Variants in XRCC4 observed in about 807,000 individuals in gnomAD.
The protein encoded by XRCC4 is DNA repair protein XRCC4.
XRCC4 carries 28 observed loss-of-function variants against 39.1 expected under a neutral mutation model. The observed-to-expected ratio is 0.72, with a 90% CI of 0.53 to 0.98. The LOEUF (loss-of-function observed/expected upper bound fraction) is 0.98. Among genes scored for constraint, XRCC4 ranks in the 50% least tolerant of loss-of-function variants. The pLI is 0.00. For synonymous variants in XRCC4, 123 were observed against 126.4 expected (o/e 0.97, Z 0.18); for missense variants, 350 against 376.4 (o/e 0.93, Z 0.58).
chr5:83,366,854 C>A, the XRCC4 span, among the ~76,000 whole-genome samples: 3 of 152,152 alleles, frequency 2.0e-5, no homozygotes, highest in African/African-American at 7.2e-5. Context: ...CCTTCCCAGA[C>A]CACCCTATGT....
At chr5:83,316,355 T>C (rs1755882513) in intron 7 of XRCC4, among the ~76,000 whole-genome samples, 1 of 152,032 alleles carries the variant, frequency 6.6e-6, no homozygotes, top group Non-Finnish European at 1.5e-5. Flanking sequence ...CATAACAATA[T>C]TAACTTTAAA....
the XRCC4 span, among the ~76,000 whole-genome samples, chr5:83,369,150 T>C: frequency 1.3e-5 from 2 of 152,284 alleles, no homozygotes; most frequent in Admixed American, 6.5e-5. Context: ...CTAGATAGGA[T>C]TGCAAAAGCA....
chr5:83,371,284 T>G, the XRCC4 span, among the ~76,000 whole-genome samples: 13 of 152,198 alleles, frequency 8.5e-5, no homozygotes, highest in Admixed American at 6.5e-4. Context: ...GAGTATTCTT[T>G]TACCATATCT....
intron 7 of XRCC4, among the ~76,000 whole-genome samples, chr5:83,321,161 A>C (rs914740909): frequency 1.1e-4 from 16 of 152,140 alleles, no homozygotes; most frequent in African/African-American, 3.9e-4. Context: ...TCATGTAAAC[A>C]TAACTTTTTC....
At chr5:83,212,962 A>C (rs1424886689) in intron 6 of XRCC4, among the ~76,000 whole-genome samples, 16 of 151,460 alleles carry the variant, frequency 1.1e-4, no homozygotes, top group Non-Finnish European at 1.6e-4. Context: ...AAAAAAAAAA[A>C]CAAAAAGATA....
chr5:83,284,739 A>C (rs547769045), intron 7 of XRCC4, among the ~76,000 whole-genome samples: 1 of 152,254 alleles, frequency 6.6e-6, no homozygotes, highest in Admixed American at 6.5e-5. Context: ...TTTCCAAGGA[A>C]GCATTCACAT....
intron 3 of XRCC4, among the ~76,000 whole-genome samples, chr5:83,128,190 T>C (rs1349923761): frequency 2.0e-5 from 3 of 152,160 alleles, no homozygotes; most frequent in Non-Finnish European, 2.9e-5. Flanking sequence ...GTTCTCATTG[T>C]TCAGTTCCCA....
chr5:83,140,908 C>T (rs1748140177), intron 3 of XRCC4, among the ~76,000 whole-genome samples: 1 of 152,200 alleles, frequency 6.6e-6, no homozygotes, highest in Non-Finnish European at 1.5e-5. Flanking sequence ...CTACTACACT[C>T]TTCTCATTTC....
intron 4 of XRCC4, among the ~76,000 whole-genome samples, chr5:83,198,246 C>A (rs1386341210): frequency 6.6e-6 from 1 of 152,076 alleles, no homozygotes; most frequent in Non-Finnish European, 1.5e-5. Context: ...ATGATCCAAA[C>A]ATTTCTTCTA....
chr5:83,116,806 G>T (rs937663161), intron 3 of XRCC4, among the ~76,000 whole-genome samples: 2 of 151,896 alleles, frequency 1.3e-5, no homozygotes, highest in African/African-American at 4.8e-5. Context: ...ATTTTTAGTA[G>T]AGACGGGGTT....
At chr5:83,166,461 T>C (rs992786643) in intron 3 of XRCC4, among the ~76,000 whole-genome samples, 4 of 43,364 alleles carry the variant, frequency 9.2e-5, no homozygotes, top group African/African-American at 5.9e-4. Flanking sequence ...TTCCTGTTTG[T>C]TTTTTTTTTT....
chr5:83,364,655 G>T, the XRCC4 span, among the ~76,000 whole-genome samples: 14 of 152,168 alleles, frequency 9.2e-5, no homozygotes, highest in African/African-American at 3.4e-4. Context: ...CCCACTTGGG[G>T]TCACCCATCA....
chr5:83,366,381 C>A, the XRCC4 span, among the ~76,000 whole-genome samples: 1 of 152,218 alleles, frequency 6.6e-6, no homozygotes, highest in South Asian at 2.1e-4. Flanking sequence ...AACCTACATC[C>A]AATTCATAAG....
chr5:83,109,893 A>G (rs1337622544), intron 2 of XRCC4, among the ~76,000 whole-genome samples: 4 of 151,978 alleles, frequency 2.6e-5, no homozygotes, highest in South Asian at 2.1e-4. Context: ...TAAAAAAACT[A>G]CTACTCTCTG....
chr5:83,361,671 G>A, the XRCC4 span, among the ~76,000 whole-genome samples: 273 of 150,262 alleles, frequency 1.8e-3, no homozygotes, highest in Middle Eastern at 0.017. Flanking sequence ...TGCCCAGGCT[G>A]GAGTGCAATG....
At chr5:83,270,858 T>G (rs1379502470) in intron 7 of XRCC4, among the ~76,000 whole-genome samples, 1 of 151,410 alleles carries the variant, frequency 6.6e-6, no homozygotes, top group Non-Finnish European at 1.5e-5. Flanking sequence ...AGAGCTCAGC[T>G]CACTGCAATC....
chr5:83,111,078 G>C lies in XRCC4; in HGVS notation c.190G>C (p.Gly64Arg). Reference protein sequence around the residue: ...QEADDMAMEKGKYVGELRKAL... With the variant: ...QEADDMAMEKRKYVGELRKAL... The stretch of plus-strand genomic sequence containing the variant: ...AGCTGATGACATGGCAATGGAAAAA[G>C]GGAAATATGTTGGTGAACTGAGAAA... Residue 64 changes from glycine (G) to arginine (R), a missense_variant, in exon 3 of 8, where the codon GGG becomes CGG. Transcript: ENST00000396027. 2 of 1,611,738 alleles carry C rather than the reference G, an allele frequency of 1.2e-6. No homozygotes were observed. Among genetic ancestry groups the C allele is most frequent in the Non-Finnish European group, 1.7e-6 (2 of 1,178,948 alleles).
chr5:83,196,276 A>G (rs2112702950), intron 4 of XRCC4, among the ~76,000 whole-genome samples: 1 of 152,236 alleles, frequency 6.6e-6, no homozygotes, highest in South Asian at 2.1e-4. Context: ...AATGAATGAA[A>G]AAGAGACATG....
intron 7 of XRCC4, among the ~76,000 whole-genome samples, chr5:83,304,276 T>G (rs995520502): frequency 6.6e-6 from 1 of 150,862 alleles, no homozygotes; most frequent in African/African-American, 2.4e-5. Context: ...GCTTCCCAGG[T>G]TCATGTGATT....
Sources: allele counts gnomAD v4.1 joint callset (sites outside exome capture counted in the v4.1 genomes callset), GRCh38; gene constraint gnomAD v4.1.1; transcripts MANE v1.5; gene names NCBI Gene and HGNC (gene_info 2026-07-23, HGNC 2026-07-21).